Variants in THOC5 observed in about 807,000 individuals in gnomAD.
The protein encoded by THOC5 is THO complex subunit 5, also known as Fms-interacting protein.
In THOC5, 43 loss-of-function variants were observed where a neutral mutation model predicts 92.9. The ratio of observed to expected loss-of-function variants is 0.46; its 90% CI spans 0.36 to 0.60. The LOEUF (loss-of-function observed/expected upper bound fraction) is 0.60, where lower values mean the gene tolerates loss of function less well. THOC5 is among the 20% of genes least tolerant of loss of function. The probability of loss-of-function intolerance (pLI) is 0.00; values close to 1 mark genes in which losing one functional copy is unlikely to be tolerated. For synonymous variants in THOC5, 296 were observed against 320.1 expected (o/e 0.92, Z 0.80); for missense variants, 659 against 849.4 (o/e 0.78, Z 2.79).
At chr22:29,537,139 A>G (rs746195643) in intron 6 of THOC5, among the ~76,000 whole-genome samples, 3 of 152,258 alleles carry the variant, frequency 2.0e-5, no homozygotes, top group Non-Finnish European at 4.4e-5. Flanking sequence ...GGTAAGACCT[A>G]AAACTTTCAC....
intron 17 of THOC5, among the ~76,000 whole-genome samples, chr22:29,514,661 A>T (rs1385320451): frequency 6.6e-6 from 1 of 151,488 alleles, no homozygotes; most frequent in Non-Finnish European, 1.5e-5. Context: ...TTATTCGTCT[A>T]AATTTTGCTT....
At chr22:29,544,112 G>A (rs2063962363) in intron 3 of THOC5, among the ~76,000 whole-genome samples, 1 of 151,832 alleles carries the variant, frequency 6.6e-6, no homozygotes, top group East Asian at 1.9e-4. Context: ...TTCATTTTTG[G>A]TATCTACAAT....
At chr22:29,521,385 T>C (rs917369067) in intron 12 of THOC5, among the ~76,000 whole-genome samples, 1 of 152,242 alleles carries the variant, frequency 6.6e-6, no homozygotes, top group Admixed American at 6.5e-5. Flanking sequence ...TGGCTTTATA[T>C]TGTCTGATCA....
intron 2 of THOC5, 107 bp from the exon 3 acceptor site, chr22:29,544,710 A>G (rs1191035647): frequency 7.7e-6 from 9 of 1,175,594 alleles, no homozygotes; most frequent in Non-Finnish European, 1.0e-5. Flanking sequence ...AGTAACAATG[A>G]AGCCTCAGTC....
At chr22:29,524,170 C>T (rs2063498701) in intron 12 of THOC5, among the ~76,000 whole-genome samples, 1 of 152,244 alleles carries the variant, frequency 6.6e-6, no homozygotes, top group South Asian at 2.1e-4. Flanking sequence ...GCTATGACAG[C>T]AGTGGTATAC....
intron 18 of THOC5, 29 bp downstream of exon 18, chr22:29,511,992 T>C (rs761628313): frequency 3.7e-6 from 6 of 1,600,992 alleles, no homozygotes; most frequent in South Asian, 1.1e-5. Flanking sequence ...CTCTGCCTGC[T>C]CCTCCTGTCA....
chr22:29,552,392 C>G (rs2064175684), intron 1 of THOC5, among the ~76,000 whole-genome samples: 1 of 151,298 alleles, frequency 6.6e-6, no homozygotes, highest in Non-Finnish European at 1.5e-5. Context: ...CACCTCTGCC[C>G]CGCCGCCCCG....
chr22:29,521,203 A>G lies in THOC5; in HGVS notation c.1176-104T>C, dbSNP rs1029405572. On this transcript the variant is annotated intron_variant, in intron 12 of 19. Transcript: ENST00000490103. ...TAATGCCACGTCTCACTGATGACCA[A>G]TGCCACCATTTATTGAAGGCTTTCT... The G allele has an allele frequency of 4.0e-5, 32 of 808,962 alleles. No individual in the cohort carries two copies. The East Asian group carries it at 7.6e-4, about 19-fold the overall frequency. 50.1% of individuals were successfully genotyped at this position (808,962 alleles called of 1,614,324 possible). A position where few individuals can be genotyped will look rare whatever the true frequency, so the allele number is the denominator to read the frequency against.
intron 12 of THOC5, among the ~76,000 whole-genome samples, chr22:29,524,371 C>T (rs1442450101): frequency 6.6e-6 from 1 of 152,156 alleles, no homozygotes; most frequent in Non-Finnish European, 1.5e-5. Flanking sequence ...TGACTCTTCA[C>T]AAGCACCCTG....
chr22:29,547,531 T>C (rs2064048600), intron 2 of THOC5, among the ~76,000 whole-genome samples: 1 of 152,080 alleles, frequency 6.6e-6, no homozygotes, highest in Non-Finnish European at 1.5e-5. Context: ...CCTGGCTAAT[T>C]TGTTCGTATG....
intron 18 of THOC5, 74 bp from the exon 19 acceptor site, chr22:29,511,370 C>G: frequency 6.5e-7 from 1 of 1,529,220 alleles, no homozygotes; most frequent in Non-Finnish European, 8.8e-7. Context: ...AGGCTTCCGT[C>G]CCTGGATGGG....
chr22:29,523,039 TA>T (rs2063475643), intron 12 of THOC5, among the ~76,000 whole-genome samples: 1 of 148,394 alleles, frequency 6.7e-6, no homozygotes, highest in African/African-American at 2.5e-5. Flanking sequence ...CATTAACTCT[TA>T]AGACTGGCCT....
At position 29,544,524 on chromosome 22, in the gene THOC5, C is replaced by T. The variant is rs765670316; in HGVS notation, c.176G>A (p.Cys59Tyr). 6.2e-7 allele frequency: 1 copy of T among 1,614,068 alleles called. No individual in the cohort carries two copies. The highest frequency in any genetic ancestry group is 8.5e-7 in the Non-Finnish European group (1 of 1,179,994). Residue 59 changes from cysteine to tyrosine, a missense_variant, in exon 3 of 20, where the codon TGC (cysteine) becomes TAC (tyrosine). Coordinates refer to ENST00000490103, the MANE Select transcript of THOC5 (RefSeq NM_003678.5). ...GRDYELYKYT[C>Y]QELQRLMAEI... ...AGCCATCAGCCTCTGTAGCTCCTGG[C>T]AGGTGTACTTGTATAACTCATAGTC...
chr22:29,552,415 G>C, intron 1 of THOC5, among the ~76,000 whole-genome samples: 1 of 149,824 alleles, frequency 6.7e-6, no homozygotes, highest in Admixed American at 6.6e-5. Context: ...TGGGATGTGA[G>C]GAGCACCTCT....
chr22:29,523,400 T>C (rs1383741661), intron 12 of THOC5, among the ~76,000 whole-genome samples: 1 of 152,086 alleles, frequency 6.6e-6, no homozygotes, highest in African/African-American at 2.4e-5. Context: ...GATGGAAGTA[T>C]TCAACAACAG....
intron 11 of THOC5, among the ~76,000 whole-genome samples, chr22:29,527,816 T>G (rs936286712): frequency 2.0e-5 from 3 of 152,228 alleles, no homozygotes; most frequent in Admixed American, 2.0e-4. Context: ...GTTCTAGATA[T>G]TTGACTTGCT....
Position 29,549,130 on chromosome 22 carries a change from G to C in THOC5, c.18C>G (p.Ser6Arg). 6.2e-7 allele frequency: 1 copy of C among 1,614,014 alleles called. No homozygotes were observed. The change falls in exon 2 of 20, where the codon AGC becomes AGG. Residue 6 changes from serine to arginine, a missense_variant. Transcript: ENST00000490103. ...GGATCACTTTGGGCTTCCGTTTTTT[G>C]CTCGATTCTGATGACATGGTTGTTC... MSSES[S>R]KKRKPKVIRS... is the part of the protein sequence containing the mutation.
chr22:29,553,151 T>A (rs1475749894), intron 1 of THOC5, among the ~76,000 whole-genome samples: 1 of 152,192 alleles, frequency 6.6e-6, no homozygotes, highest in Non-Finnish European at 1.5e-5. Flanking sequence ...CTTTGTTCAC[T>A]TGTTTATCTG....
At position 29,519,067 on chromosome 22, in the gene THOC5, C is replaced by T. The variant is rs1376819698; in HGVS notation, c.1428G>A (p.Met476Ile). Residue 476 changes from methionine to isoleucine, a missense_variant, in exon 15 of 20, where the codon ATG becomes ATA. Coordinates refer to ENST00000490103, the MANE Select transcript of THOC5 (RefSeq NM_003678.5). The part of the protein sequence containing the change: ...SLSASHMETT[M>I]KLLKTRVQSR... ...ACTGCACCCTGGTCTTCAGAAGTTT[C>T]ATGGTGGTCTCCATGTGGCTGGCGC... The T allele has an allele frequency of 6.2e-7, 1 of 1,611,530 alleles. No individual in the cohort carries two copies. Among genetic ancestry groups the T allele is most frequent in the Non-Finnish European group, 8.5e-7 (1 of 1,178,866 alleles).
Sources: gnomAD v4.1 joint callset for allele counts (sites outside exome capture counted in the v4.1 genomes callset) on GRCh38, gnomAD v4.1.1 for gene constraint, MANE v1.5 for transcripts, NCBI Gene and HGNC (gene_info 2026-07-23, HGNC 2026-07-21) for gene names.